Variants in KCNG1 observed in about 807,000 individuals in gnomAD.
KCNG1 encodes the protein potassium voltage-gated channel modifier subfamily G member 1, also known as voltage-gated potassium channel regulatory subunit KCNG1.
In KCNG1, 17 loss-of-function variants were observed where a neutral mutation model predicts 32.4. That is an observed-to-expected ratio of 0.52 (90% confidence interval 0.36 to 0.79). KCNG1 has a LOEUF of 0.79. Ranked by LOEUF, KCNG1 falls within the 30% of genes least tolerant of loss-of-function variation. The pLI is 0.00. For synonymous variants in KCNG1, 358 were observed against 339.9 expected, an observed-to-expected ratio of 1.05 and a Z score of -0.59; for missense variants, 441 against 735.2, an observed-to-expected ratio of 0.60 and a Z score of 4.63.
chr20:51,004,936 T>G lies in KCNG1; in HGVS notation c.775-130A>C. On this transcript the variant is annotated intron_variant, in intron 2 of 2. Transcript: ENST00000371571. The surrounding 1 kb of genome is among the most constrained non-coding windows in gnomAD (Gnocchi z 4.3). Reference sequence around the variant, plus strand: ...CCTCTCCAGGTTGAGTGGCCCCGGGTCCTCTCCCTAGTTGTGCCCACTCCG... The same window carrying G: ...CCTCTCCAGGTTGAGTGGCCCCGGGGCCTCTCCCTAGTTGTGCCCACTCCG... 7.6e-6 allele frequency: 7 copies of G among 918,198 alleles called. No individual in the cohort carries two copies. Among genetic ancestry groups the G allele is most frequent in the Non-Finnish European group, 1.1e-5 (7 of 631,078 alleles). 56.9% of individuals were successfully genotyped at this position (918,198 alleles called of 1,614,324 possible).
chr20:51,018,863 G>A (rs1346668119), intron 1 of KCNG1, among the ~76,000 whole-genome samples: 2 of 152,204 alleles, frequency 1.3e-5, no homozygotes, highest in Non-Finnish European at 2.9e-5. Context: ...TGAACCACTT[G>A]TTCCTTTCGG....
chr20:51,009,791 T>A lies in KCNG1; in HGVS notation c.548A>T (p.Glu183Val). The stretch of plus-strand genomic sequence containing the variant: ...GCTGTCCAGCGCGTCGTCCTCTTCC[T>A]CCCGCTCCACCATCTCCGCGAACTC... ...IEEFAEMVER[E>V]EEDDALDSEG... Residue 183 changes from glutamate (E) to valine (V), a missense_variant, in exon 2 of 3, where the codon GAG becomes GTG. Physicochemically the swap from Glu to Val is moderately radical, Grantham distance 121 (BLOSUM62 -2). Transcript: ENST00000371571. 1 of 1,612,204 alleles carries A rather than the reference T, an allele frequency of 6.2e-7. No homozygotes were observed. The highest frequency in any genetic ancestry group is 8.5e-7 in the Non-Finnish European group (1 of 1,179,874).
chr20:51,016,361 T>A (rs1452631470), intron 1 of KCNG1, among the ~76,000 whole-genome samples: 1 of 151,838 alleles, frequency 6.6e-6, no homozygotes, highest in Non-Finnish European at 1.5e-5. Flanking sequence ...CACTTGAACC[T>A]GGAAGGCAGA....
chr20:51,022,894 C>G lies in KCNG1; in HGVS notation c.-51G>C, dbSNP rs990297258. The G allele has an allele frequency of 6.6e-6, 1 of 152,252 alleles. No homozygotes were observed. The highest frequency in any genetic ancestry group is 2.4e-5 in the African/African-American group (1 of 41,464). 9.4% of individuals were successfully genotyped at this position (152,252 alleles called of 1,614,324 possible). A position where few individuals can be genotyped will look rare whatever the true frequency, so the allele number is the denominator to read the frequency against. ...CCTCAAGTTCCCGTCGCGGCGTCCC[C>G]GCCTCGGAGTTGGCCCGGCCGCGGC... is the stretch of plus-strand genomic sequence containing the variant. On this transcript the variant is annotated 5_prime_UTR_variant, in exon 1 of 3. Coordinates refer to ENST00000371571, the MANE Select transcript of KCNG1 (RefSeq NM_002237.4).
intron 1 of KCNG1, among the ~76,000 whole-genome samples, chr20:51,011,696 A>G (rs1357030997): frequency 6.6e-6 from 1 of 152,222 alleles, no homozygotes. Flanking sequence ...GGGTACAGCC[A>G]CGTGATTTGA....
chr20:51,012,156 T>C (rs1988117339), intron 1 of KCNG1, among the ~76,000 whole-genome samples: 1 of 152,206 alleles, frequency 6.6e-6, no homozygotes, highest in Non-Finnish European at 1.5e-5. Flanking sequence ...AGATACCACT[T>C]GCCATAAATC....
At chr20:51,016,539 G>A (rs1312289650) in intron 1 of KCNG1, among the ~76,000 whole-genome samples, 1 of 152,174 alleles carries the variant, frequency 6.6e-6, no homozygotes, top group Admixed American at 6.5e-5. Context: ...AGGCAGAAGG[G>A]CGCACAGGCT....
Position 51,004,917 on chromosome 20 carries a change from C to CA in KCNG1, c.775-112dup. ...CTTCCCAGGCGGAAGGTGACCTCTC[C>CA]AGGTTGAGTGGCCCCGGGTCCTCTC... On this transcript the variant is annotated intron_variant, in intron 2 of 2. Coordinates refer to ENST00000371571, the MANE Select transcript of KCNG1 (RefSeq NM_002237.4). The surrounding 1 kb of genome is among the most constrained non-coding windows in gnomAD (Gnocchi z 4.3). 1 of 1,165,894 alleles carries CA rather than the reference C, an allele frequency of 8.6e-7. No homozygotes were observed. The highest frequency in any genetic ancestry group is 1.2e-6 in the Non-Finnish European group (1 of 852,898). The allele number at this position is 1,165,894 out of a possible 1,614,324, so 72.2% of individuals were successfully genotyped here. A position where few individuals can be genotyped will look rare whatever the true frequency, so the allele number is the denominator to read the frequency against.
intron 2 of KCNG1, chr20:51,007,152 CCAACCTGGGCAACATAG>C (rs1987859708): frequency 6.5e-6 from 1 of 152,754 alleles, no homozygotes; most frequent in South Asian, 2.1e-4. Flanking sequence ...GAGTTCGAGT[CCAACCTGGGCAACATAG>C]CAACACCCCC....
At chr20:51,021,748 G>A (rs1007813516) in intron 1 of KCNG1, among the ~76,000 whole-genome samples, 2 of 152,138 alleles carry the variant, frequency 1.3e-5, no homozygotes, top group East Asian at 3.9e-4. Flanking sequence ...CTTAATAACA[G>A]CGAGTGCTTA....
chr20:51,019,815 G>A (rs879519972), intron 1 of KCNG1, among the ~76,000 whole-genome samples: 8 of 152,168 alleles, frequency 5.3e-5, no homozygotes, highest in East Asian at 1.9e-4. Context: ...GCTTCTGGCC[G>A]AGCCGACTCA....
In KCNG1 at chr20:51,018,551, C is replaced by G. The variant is rs546212420; in HGVS notation, c.-27+4319G>C. On this transcript the variant is annotated intron_variant, in intron 1 of 2. Coordinates refer to ENST00000371571, the MANE Select transcript of KCNG1 (RefSeq NM_002237.4). ...TGCTCTCCGTCCCTCTTCCGAGTGG[C>G]AGCGGGGAATGCAGAGAGAGCGCTA... 1.4e-3 allele frequency among the ~76,000 whole-genome samples: 208 copies of G among 152,314 alleles called. 1 individual carries two copies. The highest frequency in any genetic ancestry group is 4.7e-3 in the African/African-American group (197 of 41,566).
chr20:51,004,592 G>C lies in KCNG1; in HGVS notation c.989C>G (p.Ala330Gly). 1 of 1,578,780 alleles carries C rather than the reference G, an allele frequency of 6.3e-7. No homozygotes were observed. Among genetic ancestry groups the C allele is most frequent in the Non-Finnish European group, 8.6e-7 (1 of 1,161,844 alleles). ...GAAAGRRKPG[A>G]GNSYLDKVGL... is the part of the protein sequence containing the mutation. ...CACCTTGTCCAGGTAGCTGTTGCCC[G>C]CGCCGGGCTTGCGACGGCCTGCGGC... The change falls in exon 3 of 3, where the codon GCG (alanine) becomes GGG (glycine). Residue 330 changes from alanine to glycine, a missense_variant. Physicochemically the swap from Ala to Gly is moderately conservative, Grantham distance 60. This residue lies in a region of KCNG1 where 169 missense variants were observed against 297.7 expected (regional missense o/e 0.57). Coordinates refer to ENST00000371571, the MANE Select transcript of KCNG1 (RefSeq NM_002237.4). The surrounding 1 kb of genome is among the most constrained non-coding windows in gnomAD (Gnocchi z 4.3).
chr20:51,021,832 G>T (rs1195161915), intron 1 of KCNG1, among the ~76,000 whole-genome samples: 1 of 152,078 alleles, frequency 6.6e-6, no homozygotes, highest in African/African-American at 2.4e-5. Context: ...CAGTAATGTC[G>T]GATCAGTGTT....
chr20:51,003,798 G>C lies in KCNG1; in HGVS notation c.*241C>G. The C allele has an allele frequency of 2.0e-6, 1 of 500,962 alleles. No homozygotes were observed. Among genetic ancestry groups the C allele is most frequent in the South Asian group, 3.0e-5 (1 of 33,718 alleles). The allele number at this position is 500,962 out of a possible 1,614,324, so 31.0% of individuals were successfully genotyped here. A position where few individuals can be genotyped will look rare whatever the true frequency, so the allele number is the denominator to read the frequency against. ...AACACACATAGGGGCTGGGGTGGGC[G>C]GGGCTGGGCTGATGACCCAGCTTCC... On this transcript the variant is annotated 3_prime_UTR_variant, in exon 3 of 3. Transcript: ENST00000371571.
intron 1 of KCNG1, among the ~76,000 whole-genome samples, chr20:51,013,471 C>T (rs1307391419): frequency 2.0e-5 from 3 of 152,026 alleles, no homozygotes; most frequent in South Asian, 4.2e-4. Flanking sequence ...CTCACAAACA[C>T]ACCCGTACAC....
At chr20:51,014,331 C>T (rs116816082) in intron 1 of KCNG1, among the ~76,000 whole-genome samples, 146 of 152,318 alleles carry the variant, frequency 9.6e-4, no homozygotes, top group African/African-American at 3.4e-3. Flanking sequence ...TCAAAGAGGC[C>T]CCAAAGCCTG....
In KCNG1 at chr20:51,004,672, C is replaced by T. The variant is rs1440726054; in HGVS notation, c.909G>A (p.Leu303=). The T allele has an allele frequency of 6.2e-7, 1 of 1,602,722 alleles. No homozygotes were observed. Among genetic ancestry groups the T allele is most frequent in the African/African-American group, 1.3e-5 (1 of 74,884 alleles). The change falls in exon 3 of 3, where the codon CTG becomes CTA. Residue 303 remains leucine, a synonymous_variant. Coordinates refer to ENST00000371571, the MANE Select transcript of KCNG1 (RefSeq NM_002237.4). The surrounding 1 kb of genome is among the most constrained non-coding windows in gnomAD (Gnocchi z 4.3). ...KFAFLRSPLT[L]IDLVAILPYY... The stretch of plus-strand genomic sequence containing the variant: ...AGGGCAGGATGGCCACCAGGTCGAT[C>T]AGCGTCAGCGGGCTCCGCAGGAAGG...
intron 2 of KCNG1, 99 bp downstream of exon 2, chr20:51,009,466 G>T: frequency 7.6e-7 from 1 of 1,321,588 alleles, no homozygotes; most frequent in Non-Finnish European, 1.0e-6. Flanking sequence ...ATGCTATTCA[G>T]CCAGTGTGCA....
Sources: allele counts gnomAD v4.1 joint callset (sites outside exome capture counted in the v4.1 genomes callset), GRCh38; gene constraint gnomAD v4.1.1; regional missense constraint gnomAD v4.1.1; non-coding constraint Gnocchi (gnomAD v3.1); transcripts MANE v1.5; gene names NCBI Gene and HGNC (gene_info 2026-07-23, HGNC 2026-07-21).